The following PBRM1 variants were observed in gnomAD, a reference collection of about 807,000 sequenced individuals.
The protein encoded by PBRM1 is polybromo 1.
Under a neutral mutation model 194.5 loss-of-function variants are expected in PBRM1, and 27 were observed. The ratio of observed to expected loss-of-function variants is 0.14; its 90% CI spans 0.10 to 0.19. The LOEUF (loss-of-function observed/expected upper bound fraction) is 0.19, where lower values mean the gene tolerates loss of function less well. Among genes scored for constraint, PBRM1 ranks in the 10% least tolerant of loss-of-function variants. PBRM1 has a pLI of 1.00. For synonymous variants in PBRM1, 655 were observed against 693.2 expected (o/e 0.94, Z 0.87); for missense variants, 1,466 against 2,077.2 (o/e 0.71, Z 5.72).
intron 22 of PBRM1, among the ~76,000 whole-genome samples, chr3:52,571,121 G>A (rs1370096271): frequency 7.1e-6 from 1 of 140,794 alleles, no homozygotes; most frequent in Non-Finnish European, 1.5e-5. Context: ...TCAAGAGATT[G>A]AGACCATCCT....
chr3:52,606,492 A>C (rs141955829), intron 16 of PBRM1, among the ~76,000 whole-genome samples: 178 of 152,364 alleles, frequency 1.2e-3, no homozygotes, highest in African/African-American at 4.1e-3. Flanking sequence ...CTAAAAGGGC[A>C]GATCATAATT....
intron 22 of PBRM1, among the ~76,000 whole-genome samples, chr3:52,568,707 A>C (rs957671532): frequency 1.3e-5 from 2 of 152,206 alleles, no homozygotes; most frequent in Non-Finnish European, 2.9e-5. Context: ...GGAGAAAAAT[A>C]CTTCTTTCCC....
At chr3:52,552,314 A>G (rs1051005224) in intron 27 of PBRM1, among the ~76,000 whole-genome samples, 1 of 152,210 alleles carries the variant, frequency 6.6e-6, no homozygotes, top group Non-Finnish European at 1.5e-5. Flanking sequence ...GACAAATGCC[A>G]TACTTGGGCA....
At chr3:52,602,863 T>C (rs1281607350) in intron 17 of PBRM1, among the ~76,000 whole-genome samples, 4 of 152,220 alleles carry the variant, frequency 2.6e-5, no homozygotes, top group Non-Finnish European at 5.9e-5. Flanking sequence ...TCAATCTATT[T>C]TGTTTTCTTG....
At chr3:52,549,929 AT>A (rs2080494860) in intron 29 of PBRM1, among the ~76,000 whole-genome samples, 1 of 149,502 alleles carries the variant, frequency 6.7e-6, no homozygotes, top group African/African-American at 2.5e-5. Context: ...CCCAAAAACC[AT>A]TTTCAGGCCA....
intron 16 of PBRM1, 105 bp from the exon 19 acceptor site, chr3:52,603,837 A>G (rs2094163197): frequency 2.1e-6 from 2 of 963,412 alleles, no homozygotes; most frequent in South Asian, 1.6e-5. Flanking sequence ...ATATAGTGGT[A>G]TTTCTGTACA....
chr3:52,565,982 G>A (rs1008372938), intron 22 of PBRM1, among the ~76,000 whole-genome samples: 4 of 151,826 alleles, frequency 2.6e-5, no homozygotes, highest in Non-Finnish European at 5.9e-5. Flanking sequence ...CCCAGGAGGC[G>A]GAGCTTGCAG....
chr3:52,650,016 G>C (rs1560774803), intron 6 of PBRM1, among the ~76,000 whole-genome samples: 1 of 152,072 alleles, frequency 6.6e-6, no homozygotes, highest in Admixed American at 6.6e-5. Flanking sequence ...AGAAATTCCA[G>C]GGATTTAGGA....
exon 11 of PBRM1, chr3:52,634,794 T>C: frequency 6.2e-7 from 1 of 1,613,794 alleles, no homozygotes; most frequent in Non-Finnish European, 8.5e-7. Context: ...TGCTTCTGAC[T>C]CTCCCTCTTC....
chr3:52,673,445 G>C (rs2096999657), intron 2 of PBRM1, among the ~76,000 whole-genome samples: 1 of 148,732 alleles, frequency 6.7e-6, no homozygotes. Flanking sequence ...GAGGCGGGTG[G>C]ATCACCTGAG....
chr3:52,655,428 A>C (rs1376794242), intron 5 of PBRM1, among the ~76,000 whole-genome samples: 1 of 152,178 alleles, frequency 6.6e-6, no homozygotes, highest in Non-Finnish European at 1.5e-5. Context: ...ACGCCAAATA[A>C]TATGCCACTG....
At chr3:52,682,790 G>A (rs903514574), upstream of PBRM1, among the ~76,000 whole-genome samples, 2 of 152,106 alleles carry the variant, frequency 1.3e-5, no homozygotes, top group Admixed American at 1.3e-4. Context: ...CGTAATGCCG[G>A]GAGTGGTGGG....
chr3:52,620,189 G>C (rs898334955), intron 13 of PBRM1, among the ~76,000 whole-genome samples: 1 of 152,316 alleles, frequency 6.6e-6, no homozygotes, highest in South Asian at 2.1e-4. Flanking sequence ...CAATACCACA[G>C]AGCTCCACAT....
intron 15 of PBRM1, among the ~76,000 whole-genome samples, chr3:52,610,954 A>G (rs2094576624): frequency 6.6e-6 from 1 of 152,120 alleles, no homozygotes; most frequent in African/African-American, 2.4e-5. Context: ...AACAAAACAA[A>G]AAGAATACAG....
chr3:52,583,658 AC>A (rs1308984170), intron 20 of PBRM1, among the ~76,000 whole-genome samples: 3 of 152,132 alleles, frequency 2.0e-5, no homozygotes, highest in Non-Finnish European at 4.4e-5. Context: ...AGAAACAGTA[AC>A]CCTAGACTGT....
At chr3:52,598,423 T>C (rs1425921178) in intron 17 of PBRM1, among the ~76,000 whole-genome samples, 1 of 152,232 alleles carries the variant, frequency 6.6e-6, no homozygotes, top group Non-Finnish European at 1.5e-5. Flanking sequence ...TCTATATACT[T>C]CAAAAAAGTA....
At chr3:52,652,384 C>CAAA (rs71615865) in intron 5 of PBRM1, among the ~76,000 whole-genome samples, 1 of 96,672 alleles carries the variant, frequency 1.0e-5, no homozygotes. Context: ...GACTTCGTCT[C>CAAA]AAAAAAAAAA....
At chr3:52,679,478 T>C in intron 1 of PBRM1, 96 bp downstream of exon 2, 1 of 1,075,732 alleles carries the variant, frequency 9.3e-7, no homozygotes, top group South Asian at 1.6e-5. Flanking sequence ...CTTAAAAAAG[T>C]GGAGATGCCT....
intron 2 of PBRM1, among the ~76,000 whole-genome samples, chr3:52,677,923 T>A (rs1485529628): frequency 6.6e-6 from 1 of 152,124 alleles, no homozygotes. Context: ...CAGGTTGGAG[T>A]GCAGTGACAC....
Sources: gnomAD v4.1 joint callset for allele counts (sites outside exome capture counted in the v4.1 genomes callset) on GRCh38, gnomAD v4.1.1 for gene constraint, MANE v1.5 for transcripts, NCBI Gene and HGNC (gene_info 2026-07-23, HGNC 2026-07-21) for gene names.